PCDHGA10: variants seen among roughly 807,000 people sequenced by gnomAD.
PCDHGA10 encodes protocadherin gamma subfamily A, 10.
PCDHGA10 carries 42 observed loss-of-function variants against 59.5 expected under a neutral mutation model. The observed-to-expected ratio is 0.71, with a 90% CI of 0.55 to 0.91. The LOEUF is 0.91. PCDHGA10 is among the 40% of genes least tolerant of loss of function. PCDHGA10 has a pLI of 0.00. For missense variants in PCDHGA10, 1,111 were observed against 1,198.2 expected (o/e 0.93, Z 1.07); for synonymous variants, 511 against 517.2 (o/e 0.99, Z 0.16).
chr5:141,450,887 C>A (rs531604055), intron 1 of PCDHGA10, among the ~76,000 whole-genome samples: 1 of 148,582 alleles, frequency 6.7e-6, no homozygotes, highest in East Asian at 2.0e-4. Flanking sequence ...TGCAGTGGTG[C>A]GATATCGGCT....
At position 141,460,912 on chromosome 5, in the gene PCDHGA10, G is replaced by GTA. The variant is rs34683754; in HGVS notation, c.2437-33883_2437-33882dup. ...TCGTGGCTGAGTAATATTCCATGGT[G>GTA]TATATATATATATGTGTGTGTGTAT... On this transcript the variant is annotated intron_variant, in intron 1 of 3. Coordinates refer to ENST00000398610, the MANE Select transcript of PCDHGA10 (RefSeq NM_018913.3). Among the ~76,000 whole-genome samples, 731 of 149,318 alleles carry GTA rather than the reference G, an allele frequency of 4.9e-3. 9 individuals carry two copies. Among genetic ancestry groups the GTA allele is most frequent in the African/African-American group, 0.016 (631 of 40,624 alleles).
chr5:141,472,371 C>G (rs2099278632), intron 1 of PCDHGA10, among the ~76,000 whole-genome samples: 1 of 151,944 alleles, frequency 6.6e-6, no homozygotes, highest in Admixed American at 6.6e-5. Flanking sequence ...GAAACCCCGT[C>G]TCCACTAAAA....
rs2099085120 is a variant in PCDHGA10, at chr5:141,464,455, T to C, written c.2437-30352T>C. Among the ~76,000 whole-genome samples, 2 of 151,794 alleles carry C rather than the reference T, an allele frequency of 1.3e-5. 1 individual carries two copies. Among genetic ancestry groups the C allele is most frequent in the Non-Finnish European group, 2.9e-5 (2 of 67,958 alleles). On this transcript the variant is annotated intron_variant, in intron 1 of 3. Coordinates refer to ENST00000398610, the MANE Select transcript of PCDHGA10 (RefSeq NM_018913.3). ...TATATGTTTGTTGTTGTTGTTGTTA[T>C]TTTTGAAGTATGTACGTATAATAAA...
rs768509409 is a variant in PCDHGA10 at position 141,489,236 on chromosome 5, G to C, written c.2437-5571G>C. 1 of 1,531,176 alleles carries C rather than the reference G, an allele frequency of 6.5e-7. No homozygotes were observed. 94.8% of individuals were successfully genotyped at this position (1,531,176 alleles called of 1,614,324 possible). On this transcript the variant is annotated intron_variant, in intron 1 of 3. Transcript: ENST00000398610. The surrounding 1 kb of genome is among the most constrained non-coding windows in gnomAD (Gnocchi z 4.5). The stretch of plus-strand genomic sequence containing the variant: ...ACTTACTCTCCACAAAGGGACTTCT[G>C]GGTCATGGGGCCCAAGACACTCCCA...
rs1048758308 is a variant in PCDHGA10 at position 141,498,931 on chromosome 5, A to T, written c.2495+4066A>T. Among the ~76,000 whole-genome samples the T allele has an allele frequency of 6.2e-4, 88 of 141,764 alleles. 1 individual carries two copies. Among genetic ancestry groups the T allele is most frequent in the Non-Finnish European group, 1.1e-3 (70 of 64,686 alleles). 93.0% of individuals were successfully genotyped at this position (141,764 alleles called of 152,430 possible). On this transcript the variant is annotated intron_variant, in intron 2 of 3. Coordinates refer to ENST00000398610, the MANE Select transcript of PCDHGA10 (RefSeq NM_018913.3). ...CTGGGTGACAGAGCGAGACTCCATC[A>T]GGAAAGAAAGAAAGAAAAAGAGAGA... is the stretch of plus-strand genomic sequence containing the variant.
intron 2 of PCDHGA10, among the ~76,000 whole-genome samples, chr5:141,498,789 C>T (rs1302940884): frequency 6.6e-6 from 1 of 151,980 alleles, no homozygotes; most frequent in Non-Finnish European, 1.5e-5. Context: ...AAATATTAGC[C>T]AGGTGTGGTG....
chr5:141,475,547 G>A (rs2099364977), intron 1 of PCDHGA10, among the ~76,000 whole-genome samples: 1 of 152,176 alleles, frequency 6.6e-6, no homozygotes, highest in Non-Finnish European at 1.5e-5. Context: ...AGTAGGGTCC[G>A]GCTAATTGTC....
At position 141,431,209 on chromosome 5, in the gene PCDHGA10, G is replaced by C; in HGVS notation, c.2436+15598G>C. Reference sequence around the variant, plus strand: ...TTAGTGAAAATGCAGCCACTGAGATGCGGTTCCCTCTACCCCACGCCTGGG... The same window carrying C: ...TTAGTGAAAATGCAGCCACTGAGATCCGGTTCCCTCTACCCCACGCCTGGG... On this transcript the variant is annotated intron_variant, in intron 1 of 3. Coordinates refer to ENST00000398610, the MANE Select transcript of PCDHGA10 (RefSeq NM_018913.3). The surrounding 1 kb of genome is among the most constrained non-coding windows in gnomAD (Gnocchi z 4.8). 6.2e-7 allele frequency: 1 copy of C among 1,614,190 alleles called. No homozygotes were observed. Among genetic ancestry groups the C allele is most frequent in the Non-Finnish European group, 8.5e-7 (1 of 1,180,038 alleles).
At chr5:141,420,064 C>T (rs1204112062) in intron 1 of PCDHGA10, 1 of 1,614,052 alleles carries the variant, frequency 6.2e-7, no homozygotes, top group Non-Finnish European at 8.5e-7. Context: ...GCTCCAAGTC[C>T]GGACCTGTGG....
At chr5:141,467,060 T>C (rs1304506319) in intron 1 of PCDHGA10, among the ~76,000 whole-genome samples, 1 of 151,520 alleles carries the variant, frequency 6.6e-6, no homozygotes, top group Non-Finnish European at 1.5e-5. Context: ...GTTTTCTTTT[T>C]TTTTTTTTTT....
chr5:141,505,182 C>T (rs1302018549), intron 2 of PCDHGA10, among the ~76,000 whole-genome samples: 2 of 152,094 alleles, frequency 1.3e-5, no homozygotes, highest in East Asian at 3.9e-4. Context: ...AAAAAAGCAT[C>T]GGAGGCAGCA....
At chr5:141,418,752 C>T (rs2096284996) in intron 1 of PCDHGA10, 1 of 1,613,874 alleles carries the variant, frequency 6.2e-7, no homozygotes, top group African/African-American at 1.3e-5. Flanking sequence ...GATTACACTA[C>T]AGGAAACATT....
At chr5:141,451,107 C>T (rs768308463) in intron 1 of PCDHGA10, among the ~76,000 whole-genome samples, 3 of 152,118 alleles carry the variant, frequency 2.0e-5, no homozygotes, top group Non-Finnish European at 4.4e-5. Flanking sequence ...GGATTACAGG[C>T]GTGAGCCACC....
intron 3 of PCDHGA10, among the ~76,000 whole-genome samples, chr5:141,509,685 A>G (rs923641083): frequency 6.6e-6 from 1 of 152,166 alleles, no homozygotes. Flanking sequence ...TCTTCTGTAC[A>G]GTGGGACGTT....
At chr5:141,453,206 T>G (rs914064627) in intron 1 of PCDHGA10, among the ~76,000 whole-genome samples, 8 of 152,102 alleles carry the variant, frequency 5.3e-5, no homozygotes, top group African/African-American at 1.9e-4. Context: ...CTCAACCTCG[T>G]GCACTTAAGC....
Position 141,491,478 on chromosome 5 carries a change from C to A in PCDHGA10, c.2437-3329C>A. ...CCCCGGACTTCTATAAGCAGTCCAG[C>A]CCCAACCTGCAGGTGAGCTCGGACG... On this transcript the variant is annotated intron_variant, in intron 1 of 3. Coordinates refer to ENST00000398610, the MANE Select transcript of PCDHGA10 (RefSeq NM_018913.3). The surrounding 1 kb of genome is among the most constrained non-coding windows in gnomAD (Gnocchi z 6.9). 6.2e-7 allele frequency: 1 copy of A among 1,614,068 alleles called. No individual in the cohort carries two copies. Among genetic ancestry groups the A allele is most frequent in the Non-Finnish European group, 8.5e-7 (1 of 1,180,004 alleles).
In PCDHGA10 at chr5:141,485,115, G is replaced by T. The variant is rs1043877839; in HGVS notation, c.2437-9692G>T. On this transcript the variant is annotated intron_variant, in intron 1 of 3. Transcript: ENST00000398610. This position sits in a 1 kb window ranked among gnomAD's most constrained non-coding sequence, Gnocchi z 5.7. ...GTGTCTCCAGCTGCTGTGGCTGTTT[G>T]GGGCGGGTCGGCTTCATCCGCGTCT... The T allele has an allele frequency of 3.8e-6, 5 of 1,300,464 alleles. No homozygotes were observed. The African/African-American group carries it at 5.8e-5, about 15-fold the overall frequency. The allele number at this position is 1,300,464 out of a possible 1,614,324, so 80.6% of individuals were successfully genotyped here.
chr5:141,454,564 G>A (rs896426143), intron 1 of PCDHGA10, among the ~76,000 whole-genome samples: 1 of 151,874 alleles, frequency 6.6e-6, no homozygotes, highest in Non-Finnish European at 1.5e-5. Context: ...GTGCCACCAC[G>A]CCCGGCTAAT....
At chr5:141,501,355 A>G (rs936121172) in intron 2 of PCDHGA10, among the ~76,000 whole-genome samples, 4 of 151,760 alleles carry the variant, frequency 2.6e-5, no homozygotes, top group African/African-American at 9.7e-5. Flanking sequence ...ATAGGGCAAG[A>G]ACCATATTCA....
Sources: gnomAD v4.1 joint callset for allele counts (sites outside exome capture counted in the v4.1 genomes callset) on GRCh38, gnomAD v4.1.1 for gene constraint, Gnocchi (gnomAD v3.1) non-coding constraint, MANE v1.5 for transcripts, NCBI Gene and HGNC (gene_info 2026-07-23, HGNC 2026-07-21) for gene names.